The following MED13L variants were observed in gnomAD, a reference collection of about 807,000 sequenced individuals.
MED13L encodes the protein mediator complex subunit 13L.
In MED13L, 7 loss-of-function variants were observed where a neutral mutation model predicts 220.9. That is an observed-to-expected ratio of 0.03 (90% CI 0.02 to 0.06). The LOEUF is 0.06. Among genes scored for constraint, MED13L ranks in the 10% least tolerant of loss-of-function variants. MED13L has a pLI of 1.00. For missense variants in MED13L, 1,965 were observed against 2,760.5 expected, an observed-to-expected ratio of 0.71 and a Z score of 6.46; for synonymous variants, 1,011 against 1,015.2, an observed-to-expected ratio of 1.00 and a Z score of 0.08.
In MED13L at chr12:115,960,864, TA is replaced by T. The variant is rs1454580206; in HGVS notation, c.*401del. On this transcript the variant is annotated 3_prime_UTR_variant, in exon 31 of 31. Transcript: ENST00000281928. ...AACCCACAGGCCATACACCAGTAAC[TA>T]AGAGGATTTCATCCAAAGGGCTAGA... 2 of 287,392 alleles carry T rather than the reference TA, an allele frequency of 7.0e-6. No homozygotes were observed. The highest frequency in any genetic ancestry group is 4.3e-5 in the African/African-American group (2 of 46,166). 17.8% of individuals were successfully genotyped at this position (287,392 alleles called of 1,614,324 possible).
chr12:116,074,727 C>G (rs1024654821), intron 4 of MED13L, among the ~76,000 whole-genome samples: 2 of 152,232 alleles, frequency 1.3e-5, no homozygotes, highest in African/African-American at 2.4e-5. Context: ...TGATTGGACA[C>G]ACCTGACTAT....
At chr12:116,137,036 T>C (rs1287058681) in intron 2 of MED13L, among the ~76,000 whole-genome samples, 4 of 152,250 alleles carry the variant, frequency 2.6e-5, no homozygotes, top group African/African-American at 9.6e-5. Flanking sequence ...AATAGTCTTC[T>C]CCTTCCAACT....
chr12:115,998,604 G>A (rs1878554309), intron 14 of MED13L, among the ~76,000 whole-genome samples: 1 of 152,218 alleles, frequency 6.6e-6, no homozygotes, highest in South Asian at 2.1e-4. Flanking sequence ...TGTGAGGGGA[G>A]AGGAAAGCTT....
chr12:116,030,083 T>A (rs1313946438), intron 4 of MED13L, among the ~76,000 whole-genome samples: 1 of 152,168 alleles, frequency 6.6e-6, no homozygotes, highest in Non-Finnish European at 1.5e-5. Context: ...TTCTCATGCC[T>A]CAGCCTCCTA....
Position 116,031,759 on chromosome 12 carries a change from AGAAGGAAG to A in MED13L, c.480-9166_480-9159del, listed in dbSNP as rs201576613. Among the ~76,000 whole-genome samples the A allele has an allele frequency of 2.3e-3, 96 of 40,984 alleles. 4 individuals are homozygous for A. The highest frequency in any genetic ancestry group is 0.015 in the East Asian group (19 of 1,278). The allele number at this position is 40,984 out of a possible 152,430, so 26.9% of individuals were successfully genotyped here. On this transcript the variant is annotated intron_variant, in intron 4 of 30. Coordinates refer to ENST00000281928, the MANE Select transcript of MED13L (RefSeq NM_015335.5). Reference sequence around the variant, plus strand: ...AGAAAAGAAAAGAAAAGAAAAGAAAAGAAGGAAGGAAGGAAGGAAGGAAGGAAGGAAGG... The same window carrying A: ...AGAAAAGAAAAGAAAAGAAAAGAAAAGAAGGAAGGAAGGAAGGAAGGAAGG...
intron 3 of MED13L, among the ~76,000 whole-genome samples, chr12:116,097,503 G>C (rs1199776781): frequency 6.6e-6 from 1 of 151,956 alleles, no homozygotes; most frequent in Admixed American, 6.6e-5. Flanking sequence ...TTTTGGCTTT[G>C]CATGTGATAG....
At chr12:116,178,186 A>G (rs1880221282) in intron 2 of MED13L, among the ~76,000 whole-genome samples, 1 of 152,180 alleles carries the variant, frequency 6.6e-6, no homozygotes, top group African/African-American at 2.4e-5. Flanking sequence ...AATTGTTAAT[A>G]GAAGTCACAG....
intron 4 of MED13L, among the ~76,000 whole-genome samples, chr12:116,025,384 T>C (rs1329204418): frequency 6.6e-6 from 1 of 152,184 alleles, no homozygotes; most frequent in African/African-American, 2.4e-5. Context: ...ACTGGTGATA[T>C]ACCCAAAGGA....
intron 4 of MED13L, among the ~76,000 whole-genome samples, chr12:116,069,141 G>T (rs1870182829): frequency 6.6e-6 from 1 of 152,090 alleles, no homozygotes; most frequent in African/African-American, 2.4e-5. Context: ...GAATAGAAAT[G>T]GAAGATAATG....
intron 2 of MED13L, among the ~76,000 whole-genome samples, chr12:116,127,393 G>C (rs1438980102): frequency 6.6e-6 from 1 of 152,098 alleles, no homozygotes; most frequent in Non-Finnish European, 1.5e-5. Flanking sequence ...CTTTTCAGAT[G>C]TGTGCTTAAA....
chr12:115,980,693 T>C, intron 23 of MED13L, 57 bp downstream of exon 23: 1 of 1,556,460 alleles, frequency 6.4e-7, no homozygotes. Context: ...ATAAAATACC[T>C]CTTCTAGCTT....
At chr12:116,129,908 C>CAAAAA (rs572694841) in intron 2 of MED13L, among the ~76,000 whole-genome samples, 1 of 95,438 alleles carries the variant, frequency 1.0e-5, no homozygotes, top group African/African-American at 4.3e-5. Flanking sequence ...GACTCAGTCT[C>CAAAAA]AAAAAAAAAA....
intron 7 of MED13L, among the ~76,000 whole-genome samples, chr12:116,018,485 T>C (rs1879863199): frequency 6.6e-6 from 1 of 152,184 alleles, no homozygotes; most frequent in Admixed American, 6.5e-5. Flanking sequence ...TGGCCCACAT[T>C]CAATGCTTAT....
intron 1 of MED13L, among the ~76,000 whole-genome samples, chr12:116,263,267 TA>T (rs139278566): frequency 6.6e-6 from 1 of 151,622 alleles, no homozygotes; most frequent in African/African-American, 2.4e-5. Flanking sequence ...TTTTATTATG[TA>T]AAAAAAACTA....
chr12:116,227,591 T>C (rs1038948240), intron 2 of MED13L, among the ~76,000 whole-genome samples: 2 of 152,150 alleles, frequency 1.3e-5, no homozygotes, highest in African/African-American at 2.4e-5. Flanking sequence ...TACTATTATA[T>C]TGTTCAGGGG....
At chr12:116,208,807 A>T (rs1882514225) in intron 2 of MED13L, among the ~76,000 whole-genome samples, 1 of 152,086 alleles carries the variant, frequency 6.6e-6, no homozygotes, top group South Asian at 2.1e-4. Context: ...CCCTACCAAA[A>T]ATCATTTTTT....
intron 1 of MED13L, among the ~76,000 whole-genome samples, chr12:116,259,103 A>C (rs750829500): frequency 2.0e-5 from 3 of 152,206 alleles, no homozygotes; most frequent in Non-Finnish European, 2.9e-5. Context: ...AAATTGAAAG[A>C]ATCTTAACGT....
chr12:116,236,311 G>GTAAA (rs944373243), intron 2 of MED13L, among the ~76,000 whole-genome samples: 7 of 152,088 alleles, frequency 4.6e-5, no homozygotes, highest in African/African-American at 1.7e-4. Flanking sequence ...GGACCATAAA[G>GTAAA]TAAACAGTTC....
chr12:116,043,012 A>C (rs1428830150), intron 4 of MED13L, among the ~76,000 whole-genome samples: 2 of 139,290 alleles, frequency 1.4e-5, no homozygotes, highest in Non-Finnish European at 3.2e-5. Context: ...TAAACTTTTA[A>C]TTTTTTTATT....
Sources: gnomAD v4.1 joint callset for allele counts (sites outside exome capture counted in the v4.1 genomes callset) on GRCh38, gnomAD v4.1.1 for gene constraint, MANE v1.5 for transcripts, NCBI Gene and HGNC (gene_info 2026-07-23, HGNC 2026-07-21) for gene names.